ASXL3: variants seen among roughly 807,000 people sequenced by gnomAD.
ASXL3 encodes putative Polycomb group protein ASXL3.
ASXL3 carries 34 observed loss-of-function variants against 170.6 expected under a neutral mutation model. That is an observed-to-expected ratio of 0.20 (90% CI 0.15 to 0.27). The LOEUF (loss-of-function observed/expected upper bound fraction) is 0.27, where lower values mean the gene tolerates loss of function less well. ASXL3 is among the 10% of genes least tolerant of loss of function. The pLI, the probability that ASXL3 is intolerant of heterozygous loss-of-function variation, is 1.00. For synonymous variants in ASXL3, 1,002 were observed against 989.1 expected (o/e 1.01, Z -0.24); for missense variants, 2,592 against 2,695.3 (o/e 0.96, Z 0.85).
At chr18:33,635,298 A>G (rs2065747565) in intron 2 of ASXL3, among the ~76,000 whole-genome samples, 1 of 152,194 alleles carries the variant, frequency 6.6e-6, no homozygotes, top group Admixed American at 6.5e-5. Context: ...AAATAAAACT[A>G]GGTAGAGACT....
At chr18:33,633,611 A>G (rs542631098) in intron 2 of ASXL3, among the ~76,000 whole-genome samples, 34 of 152,198 alleles carry the variant, frequency 2.2e-4, no homozygotes, top group Admixed American at 1.3e-3. Flanking sequence ...TGGGAGGCCA[A>G]GGGGGGTGGA....
chr18:33,657,456 T>C (rs764916591), intron 4 of ASXL3, among the ~76,000 whole-genome samples: 3 of 152,114 alleles, frequency 2.0e-5, no homozygotes, highest in Admixed American at 6.6e-5. Context: ...GATGTCCTCT[T>C]GTACACCTGT....
chr18:33,615,139 G>T (rs1191488288), intron 2 of ASXL3, among the ~76,000 whole-genome samples: 1 of 152,036 alleles, frequency 6.6e-6, no homozygotes, highest in African/African-American at 2.4e-5. Context: ...AGGCTGTTTT[G>T]TCTACATAGA....
In ASXL3 at chr18:33,743,111, G is replaced by T. The variant is rs773915345; in HGVS notation, c.3263G>T (p.Gly1088Val). The T allele has an allele frequency of 6.2e-7, 1 of 1,613,572 alleles. No individual in the cohort carries two copies. Among genetic ancestry groups the T allele is most frequent in the African/African-American group, 1.3e-5 (1 of 74,910 alleles). ...GCGAGCATTGTCTCTGGAGCCATGG[G>T]AAGTCCAGGAGAGGGTGGAAAGACG... Reference protein sequence around the residue: ...AAASIVSGAMGSPGEGGKTRT... With the variant: ...AAASIVSGAMVSPGEGGKTRT... The change falls in exon 12 of 12, where the codon GGA becomes GTA. Residue 1088 changes from glycine to valine, a missense_variant. Coordinates refer to ENST00000269197, the MANE Select transcript of ASXL3 (RefSeq NM_030632.3).
intron 3 of ASXL3, 100 bp downstream of exon 3, chr18:33,645,102 T>G (rs2065899308): frequency 8.0e-6 from 5 of 624,076 alleles, no homozygotes; most frequent in Non-Finnish European, 1.1e-5. Context: ...GAAGAATGAC[T>G]CCTATGCCTT....
chr18:33,685,173 G>A (rs1193602285), intron 8 of ASXL3, among the ~76,000 whole-genome samples: 2 of 152,140 alleles, frequency 1.3e-5, no homozygotes, highest in Admixed American at 1.3e-4. Context: ...ATAGGCATGG[G>A]AAACATGAAA....
chr18:33,745,261 C>A lies in ASXL3; in HGVS notation c.5413C>A (p.Pro1805Thr). ...TGAAATTCCGCCCAGCTCTCCAAAT[C>A]CAGATGGTAAGGGCTACTTGGCAGG... ...NVEIPPSSPN[P>T]DGKGYLAGTL... Residue 1805 changes from proline to threonine, a missense_variant, in exon 12 of 12, where the codon CCA (proline) becomes ACA (threonine). Around this residue, in one of 4 missense-constraint regions of ASXL3, gnomAD observed 2,246 missense variants for 2,219.6 expected, o/e 1.01. Coordinates refer to ENST00000269197, the MANE Select transcript of ASXL3 (RefSeq NM_030632.3). 1.2e-6 allele frequency: 2 copies of A among 1,613,994 alleles called. No homozygotes were observed. The highest frequency in any genetic ancestry group is 1.7e-6 in the Non-Finnish European group (2 of 1,179,890).
At position 33,739,517 on chromosome 18, in the gene ASXL3, T is replaced by A. The variant is rs2145414799; in HGVS notation, c.2113T>A (p.Ser705Thr). ...CAACTTACCATTAACATCTGAAGCA[T>A]CACCAGTATCCAACTTACCTTTAAC... ...MSNLPLTSEA[S>T]PVSNLPLTSE... Residue 705 changes from serine (S) to threonine (T), a missense_variant, in exon 11 of 12, where the codon TCA becomes ACA. Ser to Thr is a moderately conservative substitution (Grantham distance 58). Transcript: ENST00000269197. The A allele has an allele frequency of 1.2e-6, 2 of 1,613,934 alleles. No homozygotes were observed. Among genetic ancestry groups the A allele is most frequent in the East Asian group, 4.5e-5 (2 of 44,888 alleles).
At chr18:33,626,759 A>G (rs1200874656) in intron 2 of ASXL3, 2 of 151,984 alleles carry the variant, frequency 1.3e-5, no homozygotes, top group African/African-American at 2.4e-5. Context: ...TGAGAAGGCA[A>G]TATATATATA....
At position 33,740,159 on chromosome 18, in the gene ASXL3, G is replaced by A; in HGVS notation, c.2755G>A (p.Gly919Ser). 1 of 1,613,880 alleles carries A rather than the reference G, an allele frequency of 6.2e-7. No homozygotes were observed. Residue 919 changes from glycine to serine, a missense_variant, in exon 11 of 12, where the codon GGC becomes AGC. Around this residue, in one of 4 missense-constraint regions of ASXL3, gnomAD observed 2,246 missense variants for 2,219.6 expected, o/e 1.01. Transcript: ENST00000269197. ...AGTGGATAAGGCTCCATTTTCAGAA[G>A]GCTCTAGAAATAAAACACATAAGCA... ...SSVDKAPFSE[G>S]SRNKTHKQGS...
Position 33,620,616 on chromosome 18 carries a change from G to A in ASXL3, c.137+12940G>A, listed in dbSNP as rs548373367. On this transcript the variant is annotated intron_variant, in intron 2 of 11. Coordinates refer to ENST00000269197, the MANE Select transcript of ASXL3 (RefSeq NM_030632.3). ...TTTTTCAATTCCCTTCTTTTTTATT[G>A]TATTACTAAAAGTCATCCAATTATA... Among the ~76,000 whole-genome samples, 16 of 151,910 alleles carry A rather than the reference G, an allele frequency of 1.1e-4. No individual in the cohort carries two copies. The South Asian group carries it at 3.3e-3, about 32-fold the overall frequency.
intron 1 of ASXL3, among the ~76,000 whole-genome samples, chr18:33,591,720 C>A (rs1456766128): frequency 6.6e-6 from 1 of 151,672 alleles, no homozygotes; most frequent in Non-Finnish European, 1.5e-5. Flanking sequence ...CGGCTCACTG[C>A]AAGCTCTGCC....
chr18:33,740,933 G>A (rs1241996934), intron 11 of ASXL3, among the ~76,000 whole-genome samples: 2 of 152,066 alleles, frequency 1.3e-5, no homozygotes, highest in African/African-American at 2.4e-5. Context: ...TTCCATCATA[G>A]CATTGGTCTA....
rs752156735 is a variant in ASXL3 at position 33,745,614 on chromosome 18, C to T, written c.5766C>T (p.Asp1922=). Residue 1922 remains aspartate, a synonymous_variant, in exon 12 of 12, where the codon GAC becomes GAT. Coordinates refer to ENST00000269197, the MANE Select transcript of ASXL3 (RefSeq NM_030632.3). ...ACAAGAATGGCGGCTTCCACACTGA[C>T]GCTGGTACCTCACACAGACAGCAGT... is the stretch of plus-strand genomic sequence containing the variant. ...HVDKNGGFHT[D]AGTSHRQQFY... is the part of the protein sequence containing the mutation. 94 of 1,613,974 alleles carry T rather than the reference C, an allele frequency of 5.8e-5. No individual in the cohort carries two copies. The highest frequency in any genetic ancestry group is 1.7e-4 in the Middle Eastern group (1 of 6,060).
chr18:33,678,203 C>T (rs888192864), intron 7 of ASXL3, among the ~76,000 whole-genome samples: 3 of 152,094 alleles, frequency 2.0e-5, no homozygotes, highest in Non-Finnish European at 2.9e-5. Flanking sequence ...GCTGGGATTA[C>T]AGGAATGAGC....
rs188248722 is a variant in ASXL3 at position 33,582,572 on chromosome 18, A to G, written c.54+3887A>G. Among the ~76,000 whole-genome samples, 13 of 152,252 alleles carry G rather than the reference A, an allele frequency of 8.5e-5. No individual in the cohort carries two copies. In the East Asian group the frequency reaches 1.5e-3, roughly 18 times the overall value. On this transcript the variant is annotated intron_variant, in intron 1 of 11. Transcript: ENST00000269197. ...ATTTTATTCCTTACAATCTTTGTTT[A>G]GTCTCAGTGACACCTGAAAATAAAT... is the stretch of plus-strand genomic sequence containing the variant.
At chr18:33,643,364 AAT>A (rs1476968857) in intron 2 of ASXL3, among the ~76,000 whole-genome samples, 3 of 151,866 alleles carry the variant, frequency 2.0e-5, no homozygotes, top group Admixed American at 1.3e-4. Context: ...GAGAGAAAAT[AAT>A]GAAATGAGGT....
At chr18:33,611,315 G>GA (rs1158010554) in intron 2 of ASXL3, among the ~76,000 whole-genome samples, 6 of 151,684 alleles carry the variant, frequency 4.0e-5, no homozygotes, top group South Asian at 2.1e-4. Context: ...TGGTTTTGTT[G>GA]AAAAAAAATA....
At chr18:33,638,732 A>T (rs1411380552) in intron 2 of ASXL3, among the ~76,000 whole-genome samples, 2 of 152,174 alleles carry the variant, frequency 1.3e-5, no homozygotes, top group Admixed American at 1.3e-4. Flanking sequence ...TCTGAATCTC[A>T]GTCATGTCTA....
Sources: gnomAD v4.1 joint callset for allele counts (sites outside exome capture counted in the v4.1 genomes callset) on GRCh38, gnomAD v4.1.1 for gene constraint, gnomAD v4.1.1 regional missense constraint, MANE v1.5 for transcripts, NCBI Gene and HGNC (gene_info 2026-07-23, HGNC 2026-07-21) for gene names.